KLF8: variants seen among roughly 807,000 people sequenced by gnomAD.
KLF8 encodes Krueppel-like factor 8.
A neutral mutation model predicts 18.2 loss-of-function variants in KLF8; 10 were observed. The ratio of observed to expected loss-of-function variants is 0.55; its 90% CI spans 0.34 to 0.93. KLF8 has a LOEUF of 0.93. Ranked by LOEUF, KLF8 falls within the 40% of genes least tolerant of loss-of-function variation. KLF8 has a pLI of 0.02. For synonymous variants in KLF8, 109 were observed against 97.3 expected, an observed-to-expected ratio of 1.12 and a Z score of -0.71; for missense variants, 264 against 277.9, an observed-to-expected ratio of 0.95 and a Z score of 0.36.
the KLF8 span, among the ~76,000 whole-genome samples, chrX:56,209,004 C>A: frequency 9.0e-6 from 1 of 111,711 alleles, no homozygotes; most frequent in African/African-American, 3.3e-5. Context: ...ATTAAGTCTG[C>A]TGTTTCCTTG....
the KLF8 span, among the ~76,000 whole-genome samples, chrX:56,142,123 T>C: frequency 9.0e-6 from 1 of 111,551 alleles, no homozygotes; most frequent in Non-Finnish European, 1.9e-5. Flanking sequence ...TAGGCAATTA[T>C]TTTTCGTGGA....
intron 5 of KLF8, among the ~76,000 whole-genome samples, chrX:56,283,456 C>A (rs2067227732): frequency 8.9e-6 from 1 of 111,840 alleles, no homozygotes. Flanking sequence ...ACTGCAAGCT[C>A]CGCTTCCCGG....
At chrX:55,925,319 C>T in the KLF8 span, among the ~76,000 whole-genome samples, 5 of 108,831 alleles carry the variant, frequency 4.6e-5, no homozygotes, top group Admixed American at 1.0e-4. Flanking sequence ...TATGTATTAA[C>T]CAGACAAAAG....
At chrX:56,083,684 A>T in the KLF8 span, among the ~76,000 whole-genome samples, 2 of 112,138 alleles carry the variant, frequency 1.8e-5, no homozygotes, top group African/African-American at 6.5e-5. Context: ...AAACCAGGCC[A>T]TACAGCTGGA....
At chrX:55,961,856 G>A in the KLF8 span, 8 of 236,003 alleles carry the variant, frequency 3.4e-5, no homozygotes, top group Non-Finnish European at 5.6e-5. Flanking sequence ...GTGGAACCTC[G>A]TCTAGAGCAG....
the KLF8 span, among the ~76,000 whole-genome samples, chrX:55,993,973 C>T: frequency 4.9e-5 from 5 of 102,566 alleles, no homozygotes; most frequent in South Asian, 4.7e-4. Flanking sequence ...TGCAGTGGTG[C>T]GATCTCAGCT....
the KLF8 span, among the ~76,000 whole-genome samples, chrX:56,141,638 T>C: frequency 9.0e-6 from 1 of 111,629 alleles, no homozygotes; most frequent in African/African-American, 3.3e-5. Flanking sequence ...ATTTATGGTA[T>C]CTTTTTATGT....
At chrX:55,955,585 A>G in the KLF8 span, among the ~76,000 whole-genome samples, 3 of 111,648 alleles carry the variant, frequency 2.7e-5, no homozygotes, top group African/African-American at 9.8e-5. Flanking sequence ...CAAACAAAAA[A>G]TGTTTTATGG....
the KLF8 span, among the ~76,000 whole-genome samples, chrX:56,160,981 G>A: frequency 4.2e-4 from 47 of 111,272 alleles, 1 homozygote; most frequent in East Asian, 9.9e-3. Context: ...TTTCTTCCTA[G>A]CCTCGATGGT....
At chrX:56,166,142 T>TA in the KLF8 span, among the ~76,000 whole-genome samples, 1 of 109,404 alleles carries the variant, frequency 9.1e-6, no homozygotes, top group Non-Finnish European at 1.9e-5. Context: ...CTTTATTTTT[T>TA]TTTTTTTTGA....
At chrX:56,208,427 AC>A in the KLF8 span, among the ~76,000 whole-genome samples, 3 of 111,303 alleles carry the variant, frequency 2.7e-5, no homozygotes, top group Non-Finnish European at 5.7e-5. Context: ...TAAAAAGCTA[AC>A]TTTTTGTTTC....
the KLF8 span, among the ~76,000 whole-genome samples, chrX:56,080,966 C>T: frequency 0.045 from 4,957 of 111,003 alleles, 120 homozygotes; most frequent in Admixed American, 0.074. Flanking sequence ...CTGCATTCTT[C>T]ACGTAGTTCT....
chrX:56,164,711 T>TC, the KLF8 span, among the ~76,000 whole-genome samples: 2 of 85,419 alleles, frequency 2.3e-5, no homozygotes, highest in African/African-American at 8.6e-5. Context: ...TCTTTTTTTT[T>TC]TTTCTTTCTT....
At chrX:56,176,503 T>C in the KLF8 span, among the ~76,000 whole-genome samples, 1 of 111,983 alleles carries the variant, frequency 8.9e-6, no homozygotes, top group Non-Finnish European at 1.9e-5. Flanking sequence ...CCTTTGTGGG[T>C]AACCCGACCT....
the KLF8 span, among the ~76,000 whole-genome samples, chrX:56,140,036 C>T: frequency 8.9e-6 from 1 of 111,892 alleles, no homozygotes; most frequent in African/African-American, 3.2e-5. Flanking sequence ...TAGAGAAATA[C>T]AAATCAAAAC....
chrX:55,939,945 G>A, the KLF8 span, among the ~76,000 whole-genome samples: 2 of 111,845 alleles, frequency 1.8e-5, no homozygotes, highest in African/African-American at 6.5e-5. Flanking sequence ...TCTACCAGAG[G>A]TACAAGGAGG....
chrX:55,944,046 G>T, the KLF8 span, among the ~76,000 whole-genome samples: 1 of 112,428 alleles, frequency 8.9e-6, no homozygotes, highest in South Asian at 3.7e-4. Context: ...AGCATGAAGT[G>T]TTGAATTTTG....
chrX:56,197,329 A>C, the KLF8 span, among the ~76,000 whole-genome samples: 4 of 111,508 alleles, frequency 3.6e-5, no homozygotes, highest in Non-Finnish European at 7.5e-5. Context: ...AGATCAACAA[A>C]ATTGATAGAC....
chrX:56,158,746 GA>G, the KLF8 span, among the ~76,000 whole-genome samples: 1 of 112,161 alleles, frequency 8.9e-6, no homozygotes, highest in Non-Finnish European at 1.9e-5. Context: ...TGTATCCTGA[GA>G]CTTTGCTGAA....
Sources: allele counts gnomAD v4.1 joint callset (sites outside exome capture counted in the v4.1 genomes callset), GRCh38; gene constraint gnomAD v4.1.1; transcripts MANE v1.5; gene names NCBI Gene and HGNC (gene_info 2026-07-23, HGNC 2026-07-21).